The following SOS2 variants were observed in gnomAD, a reference collection of about 807,000 sequenced individuals.
SOS2 encodes son of sevenless homolog 2.
SOS2 carries 65 observed loss-of-function variants against 148.2 expected under a neutral mutation model. The observed-to-expected ratio is 0.44, with a 90% confidence interval of 0.36 to 0.54. The LOEUF (loss-of-function observed/expected upper bound fraction) is 0.54. Ranked by LOEUF, SOS2 falls within the 20% of genes least tolerant of loss-of-function variation. The pLI, the probability that SOS2 is intolerant of heterozygous loss-of-function variation, is 0.00. For synonymous variants in SOS2, 539 were observed against 537.1 expected (o/e 1.00, Z -0.05); for missense variants, 1,341 against 1,590.2 (o/e 0.84, Z 2.67).
intron 5 of SOS2, among the ~76,000 whole-genome samples, chr14:50,184,675 G>C (rs1458597670): frequency 6.6e-6 from 1 of 151,874 alleles, no homozygotes; most frequent in African/African-American, 2.4e-5. Flanking sequence ...AAGAGCCTGG[G>C]AAACATGGCA....
chr14:50,135,066 T>C (rs35077736), intron 18 of SOS2, among the ~76,000 whole-genome samples: 1 of 114,122 alleles, frequency 8.8e-6, no homozygotes. Context: ...AGAGCGAGAC[T>C]GTCTCAAAAA....
At chr14:50,122,083 A>T (rs1475553657) in intron 21 of SOS2, among the ~76,000 whole-genome samples, 1 of 152,162 alleles carries the variant, frequency 6.6e-6, no homozygotes, top group Non-Finnish European at 1.5e-5. Context: ...AATTGGTATA[A>T]ATCAATCAGA....
chr14:50,227,506 T>G (rs574597644), intron 1 of SOS2, among the ~76,000 whole-genome samples: 1 of 151,828 alleles, frequency 6.6e-6, no homozygotes, highest in East Asian at 1.9e-4. Context: ...CTCCACCTTC[T>G]GGGTTCATAC....
chr14:50,206,553 T>C (rs1397250066), intron 1 of SOS2, among the ~76,000 whole-genome samples: 1 of 152,244 alleles, frequency 6.6e-6, no homozygotes, highest in Non-Finnish European at 1.5e-5. Context: ...AAAGTCTGTA[T>C]GTGTTCAGTA....
At chr14:50,139,902 C>A (rs1299928445) in intron 17 of SOS2, 40 bp downstream of exon 17, 1 of 994,946 alleles carries the variant, frequency 1.0e-6, no homozygotes, top group Admixed American at 1.8e-5. Flanking sequence ...TTGGCTATCA[C>A]ACGCTCACCC....
chr14:50,120,226 T>C (rs776474981), intron 22 of SOS2, 49 bp downstream of exon 22: 5 of 850,642 alleles, frequency 5.9e-6, no homozygotes, highest in Non-Finnish European at 7.9e-6. Context: ...AGGCATTATT[T>C]TGAAGATTCA....
intron 8 of SOS2, among the ~76,000 whole-genome samples, chr14:50,165,401 A>T (rs1184201874): frequency 6.6e-6 from 1 of 152,118 alleles, no homozygotes; most frequent in African/African-American, 2.4e-5. Context: ...ATAAATAAGG[A>T]CACACACACC....
intron 16 of SOS2, among the ~76,000 whole-genome samples, chr14:50,141,102 G>A (rs1424117228): frequency 1.3e-5 from 2 of 150,684 alleles, no homozygotes; most frequent in Non-Finnish European, 2.9e-5. Context: ...TACTCGGGAG[G>A]CTGAGGCAGG....
At chr14:50,220,804 A>T (rs1308356830) in intron 1 of SOS2, among the ~76,000 whole-genome samples, 2 of 152,194 alleles carry the variant, frequency 1.3e-5, no homozygotes, top group African/African-American at 4.8e-5. Context: ...AATATGTAAA[A>T]AAGATTAGCT....
At chr14:50,182,279 C>A (rs1292949326) in intron 6 of SOS2, among the ~76,000 whole-genome samples, 184 bp downstream of exon 6, 3 of 139,754 alleles carry the variant, frequency 2.1e-5, no homozygotes, top group South Asian at 2.2e-4. Context: ...TGGGCTTGAT[C>A]TCCCAGGCTT....
chr14:50,184,139 T>C (rs1595002950), intron 5 of SOS2, among the ~76,000 whole-genome samples: 2 of 152,224 alleles, frequency 1.3e-5, no homozygotes, highest in African/African-American at 4.8e-5. Context: ...TGGGTATTTA[T>C]AGTCTTATCA....
intron 1 of SOS2, among the ~76,000 whole-genome samples, chr14:50,224,528 A>C (rs1566488119): frequency 1.3e-5 from 2 of 152,056 alleles, no homozygotes; most frequent in Non-Finnish European, 2.9e-5. Context: ...AAAAAAGAAG[A>C]GATCAACTGT....
intron 1 of SOS2, among the ~76,000 whole-genome samples, chr14:50,228,320 G>A (rs923888492): frequency 6.6e-6 from 1 of 151,908 alleles, no homozygotes; most frequent in African/African-American, 2.4e-5. Context: ...CTGGATTACA[G>A]GTGTGAGCCA....
At chr14:50,123,793 A>T (rs1449804337) in intron 21 of SOS2, among the ~76,000 whole-genome samples, 2 of 152,210 alleles carry the variant, frequency 1.3e-5, no homozygotes, top group Non-Finnish European at 2.9e-5. Flanking sequence ...ATAAGTCAGG[A>T]TGCTTACTGT....
intron 1 of SOS2, among the ~76,000 whole-genome samples, chr14:50,226,945 T>A (rs1238487242): frequency 1.3e-5 from 2 of 152,214 alleles, no homozygotes; most frequent in East Asian, 3.8e-4. Flanking sequence ...CATGCTCTTT[T>A]TTCCCCAAGT....
At position 50,120,511 on chromosome 14, in the gene SOS2, C is replaced by T. The variant is rs1594952623; in HGVS notation, c.3380-127G>A. 4.9e-6 allele frequency: 3 copies of T among 612,300 alleles called. No individual in the cohort carries two copies. The East Asian group carries it at 9.0e-5, about 18-fold the overall frequency. The allele number at this position is 612,300 out of a possible 1,614,324, so 37.9% of individuals were successfully genotyped here. A position where few individuals can be genotyped will look rare whatever the true frequency, so the allele number is the denominator to read the frequency against. ...ATCAACTATTGGTTTATCTATCTTCCCCCATTAAATTGTAAGCTTTCTGCA... is the reference window on the plus strand; with the variant it reads ...ATCAACTATTGGTTTATCTATCTTCTCCCATTAAATTGTAAGCTTTCTGCA... On this transcript the variant is annotated intron_variant, in intron 21 of 22. Transcript: ENST00000216373.
chr14:50,220,421 A>AAAAAAAAAAAAAAAAAC, intron 1 of SOS2, among the ~76,000 whole-genome samples: 2 of 148,822 alleles, frequency 1.3e-5, no homozygotes, highest in Non-Finnish European at 1.5e-5. Flanking sequence ...AAAAAAAAAA[A>AAAAAAAAAAAAAAAAAC]AGAACAGACC....
At chr14:50,211,599 TA>T (rs1440708672) in intron 1 of SOS2, among the ~76,000 whole-genome samples, 1 of 102,458 alleles carries the variant, frequency 9.8e-6, no homozygotes, top group Non-Finnish European at 1.9e-5. Context: ...AAATTTTATT[TA>T]TTTTTTAATT....
chr14:50,158,970 G>A (rs748744014), intron 10 of SOS2, among the ~76,000 whole-genome samples: 2 of 152,084 alleles, frequency 1.3e-5, no homozygotes, highest in Non-Finnish European at 2.9e-5. Flanking sequence ...GGATCACGAG[G>A]TCAGGAGATC....
Sources: gnomAD v4.1 joint callset for allele counts (sites outside exome capture counted in the v4.1 genomes callset) on GRCh38, gnomAD v4.1.1 for gene constraint, MANE v1.5 for transcripts, NCBI Gene and HGNC (gene_info 2026-07-23, HGNC 2026-07-21) for gene names.